Variants in SEMA5A observed in about 807,000 individuals in gnomAD.
SEMA5A encodes the protein semaphorin 5A.
A neutral mutation model predicts 135.5 loss-of-function variants in SEMA5A; 55 were observed. The ratio of observed to expected loss-of-function variants is 0.41; its 90% CI spans 0.33 to 0.51. The LOEUF (loss-of-function observed/expected upper bound fraction) is 0.51, where lower values mean the gene tolerates loss of function less well. Among genes scored for constraint, SEMA5A ranks in the 20% least tolerant of loss-of-function variants. The probability of loss-of-function intolerance (pLI) is 0.37; values close to 1 mark genes in which losing one functional copy is unlikely to be tolerated. For missense variants in SEMA5A, 1,290 were observed against 1,419.9 expected (o/e 0.91, Z 1.47); for synonymous variants, 580 against 546.5 (o/e 1.06, Z -0.85).
At chr5:9,214,548 T>C (rs1220701083) in intron 8 of SEMA5A, among the ~76,000 whole-genome samples, 1 of 152,256 alleles carries the variant, frequency 6.6e-6, no homozygotes, top group Non-Finnish European at 1.5e-5. Context: ...TATGATGGGT[T>C]TCTGCAAGAT....
At chr5:9,306,842 G>A (rs1751894064) in intron 5 of SEMA5A, among the ~76,000 whole-genome samples, 1 of 152,146 alleles carries the variant, frequency 6.6e-6, no homozygotes, top group Non-Finnish European at 1.5e-5. Flanking sequence ...CAGTACATAG[G>A]TTCCCTTCAT....
chr5:9,484,056 T>A (rs1759983545), intron 1 of SEMA5A, among the ~76,000 whole-genome samples: 1 of 152,090 alleles, frequency 6.6e-6, no homozygotes, highest in African/African-American at 2.4e-5. Flanking sequence ...AAGTACTAAA[T>A]CAAATCCTGC....
intron 16 of SEMA5A, among the ~76,000 whole-genome samples, chr5:9,098,073 G>A (rs149074748): frequency 0.021 from 3,172 of 151,924 alleles, 45 homozygotes; most frequent in Non-Finnish European, 0.026. Context: ...GTGAAACCCC[G>A]TCTCTACTAA....
At chr5:9,350,695 T>C (rs1030233274) in intron 3 of SEMA5A, among the ~76,000 whole-genome samples, 12 of 152,214 alleles carry the variant, frequency 7.9e-5, no homozygotes, top group Admixed American at 2.6e-4. Context: ...TTCCATTCAT[T>C]TTGCCAAATG....
At chr5:9,161,640 C>T (rs566462353) in intron 11 of SEMA5A, among the ~76,000 whole-genome samples, 27 of 152,148 alleles carry the variant, frequency 1.8e-4, no homozygotes, top group Non-Finnish European at 2.9e-4. Context: ...GGCTAATGTA[C>T]GGGACTGCCT....
chr5:9,187,491 C>A (rs1744872223), intron 11 of SEMA5A, among the ~76,000 whole-genome samples: 2 of 152,068 alleles, frequency 1.3e-5, no homozygotes, highest in African/African-American at 2.4e-5. Flanking sequence ...TGTGTTGGGC[C>A]CCGGGTATCT....
At chr5:9,515,891 T>G (rs1211719532) in intron 1 of SEMA5A, among the ~76,000 whole-genome samples, 1 of 152,148 alleles carries the variant, frequency 6.6e-6, no homozygotes. Flanking sequence ...ACATCTCACT[T>G]CTCCATCAAC....
At chr5:9,365,429 A>G (rs1462301630) in intron 3 of SEMA5A, among the ~76,000 whole-genome samples, 2 of 152,184 alleles carry the variant, frequency 1.3e-5, no homozygotes, top group Non-Finnish European at 2.9e-5. Context: ...AGGAGACTGT[A>G]CTGATCCTGT....
intron 16 of SEMA5A, among the ~76,000 whole-genome samples, chr5:9,097,374 A>G (rs929423812): frequency 2.6e-5 from 4 of 152,220 alleles, no homozygotes; most frequent in Admixed American, 2.0e-4. Context: ...CTCTCTTAAT[A>G]CTATGATGTA....
At chr5:9,184,542 T>C (rs1422117158) in intron 11 of SEMA5A, among the ~76,000 whole-genome samples, 2 of 152,224 alleles carry the variant, frequency 1.3e-5, no homozygotes, top group Non-Finnish European at 2.9e-5. Context: ...TTATCTTTTA[T>C]TTCTACATTT....
In SEMA5A at chr5:9,337,804, G is replaced by A. The variant is rs1258019566; in HGVS notation, c.133C>T (p.Pro45Ser). The change falls in exon 4 of 23, where the codon CCC becomes TCC. Residue 45 changes from proline to serine, a missense_variant. Transcript: ENST00000382496. Reference protein sequence around the residue: ...HPVISYKEIGPWLREFRAKNA... With the variant: ...HPVISYKEIGSWLREFRAKNA... The stretch of plus-strand genomic sequence containing the variant: ...TTCGCTCTGAACTCCCGTAACCAGG[G>A]GCCAATTTCTAAATAGAAAAAATAA... 12 of 1,594,046 alleles carry A rather than the reference G, an allele frequency of 7.5e-6. No homozygotes were observed. The highest frequency in any genetic ancestry group is 9.4e-6 in the Non-Finnish European group (11 of 1,168,718).
intron 8 of SEMA5A, among the ~76,000 whole-genome samples, chr5:9,219,659 A>G (rs538726116): frequency 6.6e-6 from 1 of 152,310 alleles, no homozygotes; most frequent in African/African-American, 2.4e-5. Context: ...AGGCCTCAGG[A>G]GACACCAATC....
intron 1 of SEMA5A, among the ~76,000 whole-genome samples, chr5:9,505,811 T>C (rs1735852361): frequency 6.6e-6 from 1 of 152,238 alleles, no homozygotes; most frequent in African/African-American, 2.4e-5. Context: ...TACCATGACT[T>C]TTCTTTGTTG....
intron 5 of SEMA5A, among the ~76,000 whole-genome samples, chr5:9,240,067 A>AGAATGTGAG (rs1224079280): frequency 1.3e-5 from 2 of 152,096 alleles, no homozygotes. Context: ...AAGAGAAGAA[A>AGAATGTGAG]GAATGTGAGA....
chr5:9,541,799 A>T (rs1738109473), intron 1 of SEMA5A, among the ~76,000 whole-genome samples: 1 of 152,236 alleles, frequency 6.6e-6, no homozygotes, highest in Non-Finnish European at 1.5e-5. Context: ...CACAAGGTGA[A>T]ATATGACTTG....
chr5:9,188,138 A>C (rs948500861), intron 11 of SEMA5A, among the ~76,000 whole-genome samples: 4 of 152,160 alleles, frequency 2.6e-5, no homozygotes, highest in Non-Finnish European at 5.9e-5. Context: ...GAACGGTATG[A>C]GTGTCCTTAT....
chr5:9,357,072 T>C (rs1754482939), intron 3 of SEMA5A, among the ~76,000 whole-genome samples: 1 of 152,228 alleles, frequency 6.6e-6, no homozygotes, highest in African/African-American at 2.4e-5. Context: ...GACTGTTTCC[T>C]ACCTGAAGGT....
chr5:9,450,062 T>C (rs1011273203), intron 1 of SEMA5A, among the ~76,000 whole-genome samples: 1 of 152,190 alleles, frequency 6.6e-6, no homozygotes, highest in African/African-American at 2.4e-5. Flanking sequence ...CAGACTTCCC[T>C]GTGCAAACAT....
chr5:9,465,851 G>A (rs1022916129), intron 1 of SEMA5A, among the ~76,000 whole-genome samples: 1 of 152,136 alleles, frequency 6.6e-6, no homozygotes, highest in African/African-American at 2.4e-5. Context: ...AAAACAACAT[G>A]TCATGCCCAG....
Sources: gnomAD v4.1 joint callset for allele counts (sites outside exome capture counted in the v4.1 genomes callset) on GRCh38, gnomAD v4.1.1 for gene constraint, MANE v1.5 for transcripts, NCBI Gene and HGNC (gene_info 2026-07-23, HGNC 2026-07-21) for gene names.